The following RPL17 variants were observed in gnomAD, a reference collection of about 807,000 sequenced individuals.
RPL17 encodes the protein large ribosomal subunit protein uL22.
Under a neutral mutation model 27.7 loss-of-function variants are expected in RPL17, and 2 were observed. That is an observed-to-expected ratio of 0.07 (90% CI 0.03 to 0.23). The LOEUF (loss-of-function observed/expected upper bound fraction) is 0.23, where lower values mean the gene tolerates loss of function less well. Among genes scored for constraint, RPL17 ranks in the 10% least tolerant of loss-of-function variants. The pLI is 1.00. For synonymous variants in RPL17, 76 were observed against 75.5 expected (o/e 1.01, Z -0.03); for missense variants, 141 against 238.8 (o/e 0.59, Z 2.70).
intron 6 of RPL17, chr18:49,489,055 C>T (rs369637651): frequency 1.1e-5 from 3 of 279,968 alleles, no homozygotes; most frequent in East Asian, 1.8e-4. Flanking sequence ...CCCGCCACCA[C>T]GCCCAGCTAA....
At chr18:49,490,759 T>G in intron 4 of RPL17, 34 bp downstream of exon 4, 1 of 1,612,860 alleles carries the variant, frequency 6.2e-7, no homozygotes. Flanking sequence ...TCCATTAAAA[T>G]CTGTCTTTTC....
intron 3 of RPL17, 95 bp from the exon 4 acceptor site, chr18:49,491,022 G>A (rs2084032970): frequency 3.8e-6 from 6 of 1,567,922 alleles, no homozygotes; most frequent in South Asian, 3.4e-5. Context: ...TCAAAATGTC[G>A]AGTTATTTCT....
Position 49,491,591 on chromosome 18 carries a change from G to C in RPL17, c.-13-7C>G, listed in dbSNP as rs530739564. On this transcript the variant is annotated splice_region_variant and splice_polypyrimidine_tract_variant and intron_variant, in intron 1 of 6. Coordinates refer to ENST00000580261, the MANE Select transcript of RPL17 (RefSeq NM_001035006.5). ...AACCATTTTCACAGATCACCTAGAG[G>C]AAAGTACAGTGTAATTCTGTCAATA... 2 of 1,614,164 alleles carry C rather than the reference G, an allele frequency of 1.2e-6. No individual in the cohort carries two copies. Among genetic ancestry groups the C allele is most frequent in the African/African-American group, 1.3e-5 (1 of 75,036 alleles).
At chr18:49,488,754 T>C (rs533719780) in intron 6 of RPL17, among the ~76,000 whole-genome samples, 188 bp from the exon 7 acceptor site, 7 of 152,196 alleles carry the variant, frequency 4.6e-5, no homozygotes, top group Admixed American at 6.5e-5. Flanking sequence ...ACTCAGGTTC[T>C]TGACTTAAAA....
chr18:49,490,873 T>G lies in RPL17; in HGVS notation c.136A>C (p.Lys46Gln). 6.2e-7 allele frequency: 1 copy of G among 1,613,816 alleles called. No homozygotes were observed. The highest frequency in any genetic ancestry group is 8.5e-7 in the Non-Finnish European group (1 of 1,179,912). ...IKGMHIRKAT[K>Q]YLKDVTLQKQ... ...TGTAAAGTGACATCTTTCAGATACT[T>G]CGTGGCTTTTCGTATATGCATACCC... is the stretch of plus-strand genomic sequence containing the variant. The change falls in exon 4 of 7, where the codon AAG becomes CAG. Residue 46 changes from lysine (K) to glutamine (Q), a missense_variant. Transcript: ENST00000580261.
intron 1 of RPL17, 192 bp from the exon 2 acceptor site, chr18:49,491,776 T>C (rs1186771715): frequency 2.5e-6 from 2 of 796,484 alleles, no homozygotes; most frequent in Non-Finnish European, 2.2e-6. Context: ...TATCTTCCAG[T>C]AACTACAGCA....
chr18:49,491,596 T>C lies in RPL17; in HGVS notation c.-13-12A>G. The C allele has an allele frequency of 1.2e-6, 2 of 1,614,148 alleles. No individual in the cohort carries two copies. The highest frequency in any genetic ancestry group is 1.7e-6 in the Non-Finnish European group (2 of 1,180,006). On this transcript the variant is annotated splice_polypyrimidine_tract_variant and intron_variant, in intron 1 of 6. Transcript: ENST00000580261. Reference sequence around the variant, plus strand: ...TTTTCACAGATCACCTAGAGGAAAGTACAGTGTAATTCTGTCAATACGTAC... The same window carrying C: ...TTTTCACAGATCACCTAGAGGAAAGCACAGTGTAATTCTGTCAATACGTAC...
rs1359389880 is a variant in RPL17, at chr18:49,489,561, A to T, written c.316-11T>A. ...ATCTACATCTAAACCCTGGGGAAGA[A>T]AGGAAGGAGAATGAAACCAGGAACA... On this transcript the variant is annotated splice_polypyrimidine_tract_variant and intron_variant, in intron 5 of 6. Transcript: ENST00000580261. 21 of 1,599,112 alleles carry T rather than the reference A, an allele frequency of 1.3e-5. No homozygotes were observed. The highest frequency in any genetic ancestry group is 1.6e-4 in the Middle Eastern group (1 of 6,080).
chr18:49,488,637 C>T (rs2148814766), intron 6 of RPL17, 71 bp from the exon 7 acceptor site: 2 of 907,030 alleles, frequency 2.2e-6, no homozygotes, highest in Non-Finnish European at 3.7e-6. Context: ...TCAGCTTATT[C>T]TGGAGGCAGG....
chr18:49,490,410 T>C (rs780070455), intron 5 of RPL17, 44 bp downstream of exon 5: 21 of 1,598,838 alleles, frequency 1.3e-5, no homozygotes, highest in Non-Finnish European at 1.8e-5. Flanking sequence ...CAACATTAAT[T>C]AAACAACCAC....
intron 5 of RPL17, among the ~76,000 whole-genome samples, chr18:49,490,088 CATTA>C (rs1399094927): frequency 3.3e-5 from 5 of 152,222 alleles, no homozygotes; most frequent in Non-Finnish European, 7.3e-5. Context: ...CCACAAACCA[CATTA>C]ATCACTGCTA....
At chr18:49,488,598 G>A (rs1041731931) in intron 6 of RPL17, 32 bp from the exon 7 acceptor site, 2 of 1,345,652 alleles carry the variant, frequency 1.5e-6, no homozygotes, top group Admixed American at 1.7e-5. Flanking sequence ...AAGTTTCTTA[G>A]AGAAAACCAC....
intron 1 of RPL17, chr18:49,492,255 G>A (rs1366230854): frequency 1.3e-5 from 2 of 153,140 alleles, no homozygotes; most frequent in Admixed American, 1.3e-4. Context: ...TCCCTCTGCG[G>A]ACCTCAGAGG....
chr18:49,490,711 C>T lies in RPL17; in HGVS notation c.216+82G>A. ...CAGCAACCAGAAATAGGTTCATCAG[C>T]ACAGATCTTAGCCATTCTTATCCTA... On this transcript the variant is annotated intron_variant, in intron 4 of 6. Coordinates refer to ENST00000580261, the MANE Select transcript of RPL17 (RefSeq NM_001035006.5). 1.9e-6 allele frequency: 3 copies of T among 1,603,662 alleles called. No individual in the cohort carries two copies. The South Asian group carries it at 3.3e-5, about 18-fold the overall frequency.
chr18:49,492,384 G>T (rs1475695407), intron 1 of RPL17, 74 bp downstream of exon 1: 1 of 152,482 alleles, frequency 6.6e-6, no homozygotes, highest in Admixed American at 6.5e-5. Flanking sequence ...CCTGGAGGCC[G>T]GCGCCCCCGA....
intron 6 of RPL17, chr18:49,489,055 C>G (rs369637651): frequency 1.1e-5 from 3 of 279,850 alleles, no homozygotes; most frequent in East Asian, 1.8e-4. Flanking sequence ...CCCGCCACCA[C>G]GCCCAGCTAA....
intron 3 of RPL17, 116 bp from the exon 4 acceptor site, chr18:49,491,043 G>A: frequency 6.6e-7 from 1 of 1,506,372 alleles, no homozygotes; most frequent in East Asian, 2.3e-5. Flanking sequence ...ATTCTTTGGG[G>A]GCAAGGCAAT....
intron 1 of RPL17, 112 bp from the exon 2 acceptor site, chr18:49,491,696 T>C (rs2084099865): frequency 7.6e-7 from 1 of 1,320,616 alleles, no homozygotes; most frequent in African/African-American, 1.4e-5. Flanking sequence ...TCATTATTAA[T>C]CCAAAGGTGT....
intron 3 of RPL17, 55 bp from the exon 4 acceptor site, chr18:49,490,982 G>T (rs2084029708): frequency 6.8e-7 from 1 of 1,474,998 alleles, no homozygotes. Context: ...AATTTTTAAA[G>T]TAAACGTTAA....
Sources: allele counts gnomAD v4.1 joint callset (sites outside exome capture counted in the v4.1 genomes callset), GRCh38; gene constraint gnomAD v4.1.1; transcripts MANE v1.5; gene names NCBI Gene and HGNC (gene_info 2026-07-23, HGNC 2026-07-21).